The following APOBEC3H variants were observed in gnomAD, a reference collection of about 807,000 sequenced individuals.
APOBEC3H encodes DNA dC->dU-editing enzyme APOBEC-3H.
In APOBEC3H, 8 loss-of-function variants were observed where a neutral mutation model predicts 21.2. The observed-to-expected ratio is 0.38, with a 90% CI of 0.22 to 0.68. The LOEUF is 0.68. APOBEC3H is among the 30% of genes least tolerant of loss of function. The pLI, the probability that APOBEC3H is intolerant of heterozygous loss-of-function variation, is 0.52. For missense variants in APOBEC3H, 229 were observed against 228.1 expected (o/e 1.00, Z -0.03); for synonymous variants, 88 against 91.0 (o/e 0.97, Z 0.19).
At chr22:39,100,218 G>T in intron 1 of APOBEC3H, 54 bp from the exon 2 acceptor site, 1 of 1,571,330 alleles carries the variant, frequency 6.4e-7, no homozygotes, top group East Asian at 2.3e-5. Flanking sequence ...TGAGCCTGGG[G>T]TGACTCAAGA....
At position 39,101,609 on chromosome 22, in the gene APOBEC3H, CGGGGGCG is replaced by C. The variant is rs1569094448; in HGVS notation, c.418+108_418+114del. The C allele has an allele frequency of 1.5e-3, 403 of 262,042 alleles. 12 individuals carry two copies. The Admixed American group carries it at 0.021, about 14-fold the overall frequency. 16.2% of individuals were successfully genotyped at this position (262,042 alleles called of 1,614,324 possible). On this transcript the variant is annotated intron_variant, in intron 3 of 4. Transcript: ENST00000442487. ...GGGGTTGGAGGAGGTTGGCGGGGGGCGGGGGCGGGTTGGAGGAGGTTGGCGGGGGGTG... is the reference window on the plus strand; with the variant it reads ...GGGGTTGGAGGAGGTTGGCGGGGGGCGGTTGGAGGAGGTTGGCGGGGGGTG...
At chr22:39,102,628 C>T (rs1170108017) in intron 4 of APOBEC3H, 1 of 710,000 alleles carries the variant, frequency 1.4e-6, no homozygotes, top group Non-Finnish European at 2.6e-6. Context: ...CCCTGGCCCC[C>T]CTCCCACCCT....
chr22:39,102,482 C>T (rs767480994), intron 4 of APOBEC3H: 25 of 716,882 alleles, frequency 3.5e-5, no homozygotes, highest in African/African-American at 8.9e-5. Flanking sequence ...GTTCTCCTCT[C>T]GCACCAGGGG....
intron 4 of APOBEC3H, chr22:39,102,618 C>A: frequency 1.4e-6 from 1 of 712,500 alleles, no homozygotes; most frequent in Non-Finnish European, 2.6e-6. Context: ...AGTTTTTCAA[C>A]CCTGGCCCCC....
chr22:39,097,654 A>G (rs1051850499), intron 1 of APOBEC3H, among the ~76,000 whole-genome samples: 2 of 152,214 alleles, frequency 1.3e-5, no homozygotes, highest in Non-Finnish European at 2.9e-5. Flanking sequence ...GCTTCCTGCC[A>G]TTCCTGGGCT....
chr22:39,100,747 G>A (rs946907080), intron 2 of APOBEC3H, among the ~76,000 whole-genome samples: 4 of 152,120 alleles, frequency 2.6e-5, no homozygotes, highest in Admixed American at 2.0e-4. Context: ...CCGAGGTGCC[G>A]TGCCACGGTC....
chr22:39,102,440 G>A (rs905477716), intron 4 of APOBEC3H: 62 of 713,142 alleles, frequency 8.7e-5, no homozygotes, highest in Admixed American at 3.4e-4. Context: ...GTGAGCCACC[G>A]TGCCCCGCCC....
intron 1 of APOBEC3H, among the ~76,000 whole-genome samples, chr22:39,097,972 C>T (rs1929097170): frequency 6.6e-6 from 1 of 152,162 alleles, no homozygotes; most frequent in Non-Finnish European, 1.5e-5. Context: ...AGGAGAAATG[C>T]TTTTATTTTA....
rs376153999 is a variant in APOBEC3H, at chr22:39,102,693, C to T, written c.543+651C>T. ...ATTTACATCTTTATGTCCATGTGTA[C>T]CTCTCACCATATACAAAAATTAACT... is the stretch of plus-strand genomic sequence containing the variant. On this transcript the variant is annotated intron_variant, in intron 4 of 4. Transcript: ENST00000442487. 8.3e-5 allele frequency: 54 copies of T among 650,114 alleles called. No homozygotes were observed. In the South Asian group the frequency reaches 8.5e-4, roughly 10 times the overall value. The allele number at this position is 650,114 out of a possible 1,614,324, so 40.3% of individuals were successfully genotyped here.
At position 39,101,946 on chromosome 22, in the gene APOBEC3H, G is replaced by A; in HGVS notation, c.447G>A (p.Val149=). The change falls in exon 4 of 5, where the codon GTG becomes GTA. Residue 149 remains valine, a synonymous_variant. Transcript: ENST00000442487. ...PEFADCWENF[V]DHEKPLSFNP... is the part of the protein sequence containing the mutation. Reference sequence around the variant, plus strand: ...TTGCTGACTGCTGGGAAAACTTTGTGGACCACGAGAAACCGCTTTCCTTCA... The same window carrying A: ...TTGCTGACTGCTGGGAAAACTTTGTAGACCACGAGAAACCGCTTTCCTTCA... The A allele has an allele frequency of 1.9e-6, 3 of 1,613,830 alleles. No homozygotes were observed. The highest frequency in any genetic ancestry group is 1.1e-5 in the South Asian group (1 of 91,062).
rs1156521295 is a variant in APOBEC3H, at chr22:39,101,314, C to T, written c.228C>T (p.Val76=). 1.9e-6 allele frequency: 3 copies of T among 1,613,416 alleles called. No homozygotes were observed. The highest frequency in any genetic ancestry group is 2.5e-6 in the Non-Finnish European group (3 of 1,179,946). ...TGGACGAAACGCAGTGCTACCAAGT[C>T]ACCTGTTACCTCACGTGGAGCCCCT... The part of the protein sequence containing the change: ...MGLDETQCYQ[V]TCYLTWSPCS... Residue 76 remains valine, a synonymous_variant, in exon 3 of 5, where the codon GTC becomes GTT. Transcript: ENST00000442487.
intron 2 of APOBEC3H, chr22:39,100,658 A>G (rs11913950): frequency 0.15 from 80,268 of 538,894 alleles, 8,903 homozygotes; most frequent in African/African-American, 0.44. Context: ...GAAGAGGCCA[A>G]CCCTTCTGTA....
chr22:39,102,055 C>T lies in APOBEC3H; in HGVS notation c.543+13C>T. ...TGAGAGGATAAAGGTGAGGCACTGT[C>T]CTGCCTGCTGCCCCCGACCTCCTCA... On this transcript the variant is annotated intron_variant, in intron 4 of 4. Coordinates refer to ENST00000442487, the MANE Select transcript of APOBEC3H (RefSeq NM_181773.5). 6.2e-7 allele frequency: 1 copy of T among 1,612,138 alleles called. No individual in the cohort carries two copies. Among genetic ancestry groups the T allele is most frequent in the South Asian group, 1.1e-5 (1 of 90,924 alleles).
intron 1 of APOBEC3H, among the ~76,000 whole-genome samples, chr22:39,099,653 T>C (rs1217212716): frequency 6.6e-6 from 1 of 152,058 alleles, no homozygotes; most frequent in Non-Finnish European, 1.5e-5. Context: ...CCAGGAAGAA[T>C]AGTGACGAGG....
intron 1 of APOBEC3H, among the ~76,000 whole-genome samples, chr22:39,099,988 C>T (rs957733206): frequency 6.6e-6 from 1 of 152,178 alleles, no homozygotes; most frequent in Non-Finnish European, 1.5e-5. Context: ...GCCTGGCCAA[C>T]ATGGTGAAAC....
intron 1 of APOBEC3H, among the ~76,000 whole-genome samples, chr22:39,098,781 G>A (rs2146313891): frequency 6.6e-6 from 1 of 152,210 alleles, no homozygotes; most frequent in Middle Eastern, 3.4e-3. Context: ...AGGACTTGGA[G>A]GCTTGAAATG....
intron 1 of APOBEC3H, among the ~76,000 whole-genome samples, chr22:39,098,943 C>T (rs950247793): frequency 7.2e-5 from 11 of 152,150 alleles, no homozygotes; most frequent in African/African-American, 2.2e-4. Context: ...CCTATAATCC[C>T]AGCACTTTGG....
intron 1 of APOBEC3H, 44 bp from the exon 2 acceptor site, chr22:39,100,228 A>C: frequency 6.3e-7 from 1 of 1,590,798 alleles, no homozygotes; most frequent in Non-Finnish European, 8.6e-7. Context: ...GTGACTCAAG[A>C]GGACGCTCCC....
chr22:39,101,136 GCCCCCCCATCCCC>G, intron 2 of APOBEC3H, 88 bp from the exon 3 acceptor site: 1 of 378,522 alleles, frequency 2.6e-6, no homozygotes, highest in Non-Finnish European at 5.0e-6. Flanking sequence ...AGACCCCTCT[GCCCCCCCATCCCC>G]GCCCCCGTCC....
Sources: allele counts gnomAD v4.1 joint callset (sites outside exome capture counted in the v4.1 genomes callset), GRCh38; gene constraint gnomAD v4.1.1; transcripts MANE v1.5; gene names NCBI Gene and HGNC (gene_info 2026-07-23, HGNC 2026-07-21).